The following RTBDN variants were observed in gnomAD, a reference collection of about 807,000 sequenced individuals.
RTBDN encodes the protein retbindin.
A neutral mutation model predicts 21.9 loss-of-function variants in RTBDN; 24 were observed. The ratio of observed to expected loss-of-function variants is 1.10; its 90% CI spans 0.79 to 1.54. The LOEUF (loss-of-function observed/expected upper bound fraction) is 1.54. Among genes scored for constraint, RTBDN ranks in the 40% most tolerant of loss-of-function variants. The pLI is 0.00. For missense variants in RTBDN, 325 were observed against 315.2 expected, an observed-to-expected ratio of 1.03 and a Z score of -0.23; for synonymous variants, 141 against 125.9, an observed-to-expected ratio of 1.12 and a Z score of -0.80.
At position 12,825,577 on chromosome 19, in the gene RTBDN, T is replaced by C; in HGVS notation, c.*129A>G. On this transcript the variant is annotated 3_prime_UTR_variant, in exon 6 of 6. Coordinates refer to ENST00000674343, the MANE Select transcript of RTBDN (RefSeq NM_001270441.2). ...CTGGAGAGGGGTGGGTCTCTGGAGC[T>C]CCAGGGAGGAGGGACAGACATCTCA... 1 of 1,368,340 alleles carries C rather than the reference T, an allele frequency of 7.3e-7. No homozygotes were observed. Among genetic ancestry groups the C allele is most frequent in the Non-Finnish European group, 9.6e-7 (1 of 1,043,888 alleles). 84.8% of individuals were successfully genotyped at this position (1,368,340 alleles called of 1,614,324 possible). A position where few individuals can be genotyped will look rare whatever the true frequency, so the allele number is the denominator to read the frequency against.
rs185430939 is a variant in RTBDN, at chr19:12,830,739, T to C, written c.-18-742A>G. ...CCCACCGTCCTGCCCACACTCCAGC[T>C]GACCAAAGGCTGGCCGACTTGGGGC... On this transcript the variant is annotated intron_variant, in intron 1 of 5. Coordinates refer to ENST00000674343, the MANE Select transcript of RTBDN (RefSeq NM_001270441.2). This position sits in a 1 kb window ranked among gnomAD's most constrained non-coding sequence, Gnocchi z 4.2. 1 of 946,452 alleles carries C rather than the reference T, an allele frequency of 1.1e-6. No homozygotes were observed. Among genetic ancestry groups the C allele is most frequent in the Non-Finnish European group, 1.3e-6 (1 of 794,350 alleles). 58.6% of individuals were successfully genotyped at this position (946,452 alleles called of 1,614,324 possible). A position where few individuals can be genotyped will look rare whatever the true frequency, so the allele number is the denominator to read the frequency against.
At chr19:12,826,261 C>A in intron 5 of RTBDN, 1 of 1,258,254 alleles carries the variant, frequency 7.9e-7, no homozygotes, top group Non-Finnish European at 1.0e-6. Flanking sequence ...GGAATGGTTT[C>A]TTGGGAAGGG....
intron 3 of RTBDN, 28 bp downstream of exon 3, chr19:12,828,841 A>G (rs759906933): frequency 9.3e-6 from 15 of 1,614,164 alleles, no homozygotes; most frequent in Non-Finnish European, 1.2e-5. Flanking sequence ...AAAGTACGCG[A>G]GAAAACGGTG....
At chr19:12,826,390 C>A in intron 5 of RTBDN, 1 of 1,273,966 alleles carries the variant, frequency 7.8e-7, no homozygotes, top group Non-Finnish European at 1.0e-6. Context: ...GGTCTAGACA[C>A]GGTAAGAAAG....
In RTBDN at chr19:12,834,097, C is replaced by T. The variant is rs915619842; in HGVS notation, c.-19+392G>A. Reference sequence around the variant, plus strand: ...GAGGCGGGAGAACTTGCACTAGGGTCAGCCGGGACGCCCCCACCCATAGGT... The same window carrying T: ...GAGGCGGGAGAACTTGCACTAGGGTTAGCCGGGACGCCCCCACCCATAGGT... On this transcript the variant is annotated intron_variant, in intron 1 of 5. Transcript: ENST00000674343. The surrounding 1 kb of genome is among the most constrained non-coding windows in gnomAD (Gnocchi z 4.7). 4 of 399,072 alleles carry T rather than the reference C, an allele frequency of 1.0e-5. No homozygotes were observed. The highest frequency in any genetic ancestry group is 7.1e-5 in the East Asian group (2 of 28,032). 24.7% of individuals were successfully genotyped at this position (399,072 alleles called of 1,614,324 possible).
chr19:12,834,362 T>A lies in RTBDN; in HGVS notation c.-19+127A>T. 2 of 711,824 alleles carry A rather than the reference T, an allele frequency of 2.8e-6. No homozygotes were observed. The highest frequency in any genetic ancestry group is 4.7e-6 in the Non-Finnish European group (2 of 421,100). The allele number at this position is 711,824 out of a possible 1,614,324, so 44.1% of individuals were successfully genotyped here. ...GGGGCGCAGAGCAAAGTTATTGCCC[T>A]AGGGCTCATGCCCCTCGGGGCCATC... On this transcript the variant is annotated intron_variant, in intron 1 of 5. Coordinates refer to ENST00000674343, the MANE Select transcript of RTBDN (RefSeq NM_001270441.2). This position sits in a 1 kb window ranked among gnomAD's most constrained non-coding sequence, Gnocchi z 4.7.
At position 12,830,387 on chromosome 19, in the gene RTBDN, G is replaced by A. The variant is rs867380051; in HGVS notation, c.-18-390C>T. Reference sequence around the variant, plus strand: ...AGTAATTCCTCCCTCTCTTCTATGCGGCCTCCCTCCTCCCTCTCTCGCTCC... The same window carrying A: ...AGTAATTCCTCCCTCTCTTCTATGCAGCCTCCCTCCTCCCTCTCTCGCTCC... On this transcript the variant is annotated intron_variant, in intron 1 of 5. Transcript: ENST00000674343. The surrounding 1 kb of genome is among the most constrained non-coding windows in gnomAD (Gnocchi z 4.2). 8 of 994,174 alleles carry A rather than the reference G, an allele frequency of 8.0e-6. No homozygotes were observed. Among genetic ancestry groups the A allele is most frequent in the African/African-American group, 3.5e-5 (2 of 57,442 alleles). The allele number at this position is 994,174 out of a possible 1,614,324, so 61.6% of individuals were successfully genotyped here. A position where few individuals can be genotyped will look rare whatever the true frequency, so the allele number is the denominator to read the frequency against.
In RTBDN at chr19:12,825,827, G is replaced by A; in HGVS notation, c.569C>T (p.Pro190Leu). ...GCCCCGTCGTCCTGGTCTGGGACGAGGTACCGCGGAGATGGAGATGTTGAA... is the reference window on the plus strand; with the variant it reads ...GCCCCGTCGTCCTGGTCTGGGACGAAGTACCGCGGAGATGGAGATGTTGAA... The part of the protein sequence containing the change: ...HCFNISISAV[P>L]RPRPGRRGRE... Residue 190 changes from proline to leucine, a missense_variant, in exon 6 of 6, where the codon CCT becomes CTT. By Grantham distance (98) the Pro-to-Leu change is moderately conservative. Coordinates refer to ENST00000674343, the MANE Select transcript of RTBDN (RefSeq NM_001270441.2). 6.2e-7 allele frequency: 1 copy of A among 1,613,498 alleles called. No homozygotes were observed. The highest frequency in any genetic ancestry group is 8.5e-7 in the Non-Finnish European group (1 of 1,179,822).
rs981620795 is a variant in RTBDN at position 12,834,088 on chromosome 19, C to T, written c.-19+401G>A. 1.5e-5 allele frequency: 6 copies of T among 398,526 alleles called. No homozygotes were observed. Among genetic ancestry groups the T allele is most frequent in the African/African-American group, 1.2e-4 (6 of 48,534 alleles). The allele number at this position is 398,526 out of a possible 1,614,324, so 24.7% of individuals were successfully genotyped here. A position where few individuals can be genotyped will look rare whatever the true frequency, so the allele number is the denominator to read the frequency against. Reference sequence around the variant, plus strand: ...GCTGGGCAGGAGGCGGGAGAACTTGCACTAGGGTCAGCCGGGACGCCCCCA... The same window carrying T: ...GCTGGGCAGGAGGCGGGAGAACTTGTACTAGGGTCAGCCGGGACGCCCCCA... On this transcript the variant is annotated intron_variant, in intron 1 of 5. Coordinates refer to ENST00000674343, the MANE Select transcript of RTBDN (RefSeq NM_001270441.2). This position sits in a 1 kb window ranked among gnomAD's most constrained non-coding sequence, Gnocchi z 4.7.
Position 12,828,940 on chromosome 19 carries a change from G to A in RTBDN, c.183C>T (p.Pro61=). ...GKLHLAGPCC[P]SEMDTTETSG... ...ATGTCTCTGTTGTGTCCATCTCTGA[G>A]GGACAACAAGGTCCTGGCAAAGGGG... The change falls in exon 3 of 6, where the codon CCC becomes CCT. Residue 61 remains proline (P), a synonymous_variant. Transcript: ENST00000674343. The A allele has an allele frequency of 6.2e-7, 1 of 1,614,134 alleles. No individual in the cohort carries two copies. The highest frequency in any genetic ancestry group is 8.5e-7 in the Non-Finnish European group (1 of 1,179,990).
intron 4 of RTBDN, among the ~76,000 whole-genome samples, chr19:12,828,117 G>T (rs1231088948): frequency 6.6e-6 from 1 of 151,042 alleles, no homozygotes; most frequent in Non-Finnish European, 1.5e-5. Flanking sequence ...AGAAAAAAAG[G>T]CCGGGCACGG....
Position 12,830,613 on chromosome 19 carries a change from T to C in RTBDN, c.-18-616A>G. On this transcript the variant is annotated intron_variant, in intron 1 of 5. Transcript: ENST00000674343. The surrounding 1 kb of genome is among the most constrained non-coding windows in gnomAD (Gnocchi z 4.2). ...GCCTCCCCGCATTCAGCCCCTCACCTGTTGGCTGGATTGGGGTCTAGAGGC... is the reference window on the plus strand; with the variant it reads ...GCCTCCCCGCATTCAGCCCCTCACCCGTTGGCTGGATTGGGGTCTAGAGGC... 1.0e-6 allele frequency: 1 copy of C among 985,608 alleles called. No individual in the cohort carries two copies. Among genetic ancestry groups the C allele is most frequent in the Non-Finnish European group, 1.2e-6 (1 of 830,068 alleles). The allele number at this position is 985,608 out of a possible 1,614,324, so 61.1% of individuals were successfully genotyped here. A position where few individuals can be genotyped will look rare whatever the true frequency, so the allele number is the denominator to read the frequency against.
chr19:12,834,439 C>G lies in RTBDN; in HGVS notation c.-19+50G>C. 7.0e-7 allele frequency: 1 copy of G among 1,425,280 alleles called. No homozygotes were observed. Among genetic ancestry groups the G allele is most frequent in the Non-Finnish European group, 9.5e-7 (1 of 1,047,646 alleles). 88.3% of individuals were successfully genotyped at this position (1,425,280 alleles called of 1,614,324 possible). A position where few individuals can be genotyped will look rare whatever the true frequency, so the allele number is the denominator to read the frequency against. ...TGTGCGGCAACCTCGCCCCTCACCA[C>G]CCCAGGAGCCCCCTCCCGAGGCATA... On this transcript the variant is annotated intron_variant, in intron 1 of 5. Transcript: ENST00000674343. This position sits in a 1 kb window ranked among gnomAD's most constrained non-coding sequence, Gnocchi z 4.7.
At chr19:12,828,611 C>T in intron 4 of RTBDN, 46 bp downstream of exon 4, 1 of 1,479,530 alleles carries the variant, frequency 6.8e-7, no homozygotes, top group Non-Finnish European at 9.3e-7. Flanking sequence ...CCGCCCTCTT[C>T]CCCGCCCAAG....
At position 12,825,510 on chromosome 19, in the gene RTBDN, G is replaced by T; in HGVS notation, c.*196C>A. On this transcript the variant is annotated 3_prime_UTR_variant, in exon 6 of 6. Coordinates refer to ENST00000674343, the MANE Select transcript of RTBDN (RefSeq NM_001270441.2). ...TCTAGCTGGCGACTTTATTCAAAGG[G>T]GAGAGGGAAAAGTGAGAGAGTTGGG... 2.4e-6 allele frequency: 2 copies of T among 836,932 alleles called. No individual in the cohort carries two copies. The highest frequency in any genetic ancestry group is 3.5e-6 in the Non-Finnish European group (2 of 566,618). The allele number at this position is 836,932 out of a possible 1,614,324, so 51.8% of individuals were successfully genotyped here.
chr19:12,828,788 G>A, intron 3 of RTBDN, 21 bp from the exon 4 acceptor site: 1 of 1,613,876 alleles, frequency 6.2e-7, no homozygotes, highest in Non-Finnish European at 8.5e-7. Context: ...GGAGAGATAG[G>A]GTCGGATGGG....
intron 2 of RTBDN, 42 bp from the exon 3 acceptor site, chr19:12,828,995 A>T (rs1339604669): frequency 6.2e-7 from 1 of 1,612,346 alleles, no homozygotes. Context: ...TTGGATATTC[A>T]GGTAAGGTTT....
Position 12,829,962 on chromosome 19 carries a change from G to A in RTBDN, c.18C>T (p.His6=). 3.1e-6 allele frequency: 5 copies of A among 1,613,060 alleles called. No homozygotes were observed. The highest frequency in any genetic ancestry group is 4.2e-6 in the Non-Finnish European group (5 of 1,179,090). Residue 6 remains histidine, a synonymous_variant, in exon 2 of 6, where the codon CAC becomes CAT. Transcript: ENST00000674343. Reference sequence around the variant, plus strand: ...CCCACGTCAGGCCGATGGGTCGCATGTGGACCCTGCAGTCCATGTCCACCT... The same window carrying A: ...CCCACGTCAGGCCGATGGGTCGCATATGGACCCTGCAGTCCATGTCCACCT... MDCRV[H]MRPIGLTWVL... is the part of the protein sequence containing the mutation.
At position 12,830,062 on chromosome 19, in the gene RTBDN, G is replaced by A; in HGVS notation, c.-18-65C>T. 6.5e-7 allele frequency: 1 copy of A among 1,527,620 alleles called. No individual in the cohort carries two copies. The highest frequency in any genetic ancestry group is 8.9e-7 in the Non-Finnish European group (1 of 1,120,344). 94.6% of individuals were successfully genotyped at this position (1,527,620 alleles called of 1,614,324 possible). On this transcript the variant is annotated intron_variant, in intron 1 of 5. Coordinates refer to ENST00000674343, the MANE Select transcript of RTBDN (RefSeq NM_001270441.2). This position sits in a 1 kb window ranked among gnomAD's most constrained non-coding sequence, Gnocchi z 4.2. ...GAGCTTAGGGTGGCACCCACCCAGT[G>A]CATACCCAAGAAGCAGTGCCAGGCA...
Sources: gnomAD v4.1 joint callset for allele counts (sites outside exome capture counted in the v4.1 genomes callset) on GRCh38, gnomAD v4.1.1 for gene constraint, Gnocchi (gnomAD v3.1) non-coding constraint, MANE v1.5 for transcripts, NCBI Gene and HGNC (gene_info 2026-07-23, HGNC 2026-07-21) for gene names.